The following NLK variants were observed in gnomAD, a reference collection of about 807,000 sequenced individuals.
NLK encodes the protein serine/threonine-protein kinase NLK.
Under a neutral mutation model 59.0 loss-of-function variants are expected in NLK, and 11 were observed. That is an observed-to-expected ratio of 0.19 (90% CI 0.12 to 0.31). NLK has a LOEUF of 0.31. Ranked by LOEUF, NLK falls within the 10% of genes least tolerant of loss-of-function variation. The pLI, the probability that NLK is intolerant of heterozygous loss-of-function variation, is 1.00. For missense variants in NLK, 410 were observed against 661.1 expected (o/e 0.62, Z 4.16); for synonymous variants, 235 against 235.9 (o/e 1.00, Z 0.03).
chr17:28,055,217 C>T (rs1025572970), intron 1 of NLK, among the ~76,000 whole-genome samples: 18 of 151,592 alleles, frequency 1.2e-4, no homozygotes, highest in African/African-American at 4.1e-4. Context: ...CTCATCTTCC[C>T]GAGTAGCTGG....
chr17:28,129,097 AAC>A (rs1906409137), intron 2 of NLK, among the ~76,000 whole-genome samples: 1 of 152,224 alleles, frequency 6.6e-6, no homozygotes, highest in Non-Finnish European at 1.5e-5. Context: ...AAAGTTCAAG[AAC>A]ACACAAAATG....
At chr17:28,168,722 C>G in intron 6 of NLK, 65 bp downstream of exon 6, 1 of 1,275,388 alleles carries the variant, frequency 7.8e-7, no homozygotes, top group Non-Finnish European at 1.1e-6. Flanking sequence ...ATCCATCTTG[C>G]ACATGTGTCT....
rs140225927 is a variant in NLK, at chr17:28,100,332, T to A, written c.459-22271T>A. On this transcript the variant is annotated intron_variant, in intron 1 of 10. Coordinates refer to ENST00000407008, the MANE Select transcript of NLK (RefSeq NM_016231.5). Reference sequence around the variant, plus strand: ...TTTTCTCCAAATCCTCATGACCACTTATTATTTTCAGACTTTTTTAAAACC... The same window carrying A: ...TTTTCTCCAAATCCTCATGACCACTAATTATTTTCAGACTTTTTTAAAACC... Among the ~76,000 whole-genome samples, 183 of 152,302 alleles carry A rather than the reference T, an allele frequency of 1.2e-3. 1 individual carries two copies. Among genetic ancestry groups the A allele is most frequent in the Admixed American group, 5.4e-3 (82 of 15,302 alleles).
At position 28,194,656 on chromosome 17, in the gene NLK, A is replaced by G; in HGVS notation, c.*20A>G. ...GAGTGATGGTGGAAGATAATGTACT[A>G]CTGAAGATGTAATGTAGCTTTCCAC... On this transcript the variant is annotated 3_prime_UTR_variant, in exon 11 of 11. Coordinates refer to ENST00000407008, the MANE Select transcript of NLK (RefSeq NM_016231.5). The G allele has an allele frequency of 1.9e-6, 3 of 1,556,992 alleles. No homozygotes were observed. The highest frequency in any genetic ancestry group is 2.6e-6 in the Non-Finnish European group (3 of 1,135,072).
chr17:28,064,698 TAAAC>T (rs1321116125), intron 1 of NLK, among the ~76,000 whole-genome samples: 2 of 152,304 alleles, frequency 1.3e-5, no homozygotes, highest in Admixed American at 6.5e-5. Context: ...GGGCCTGGCT[TAAAC>T]AAATCATTTT....
intron 3 of NLK, among the ~76,000 whole-genome samples, chr17:28,141,346 A>G (rs781626022): frequency 6.6e-6 from 1 of 152,198 alleles, no homozygotes; most frequent in Non-Finnish European, 1.5e-5. Context: ...TTTGTCTTTT[A>G]GAATCTCCAA....
chr17:28,192,103 G>C lies in NLK; in HGVS notation c.1436-17G>C, dbSNP rs1909324085. On this transcript the variant is annotated splice_polypyrimidine_tract_variant and intron_variant, in intron 9 of 10. Transcript: ENST00000407008. ...TGCAAATTGTCATGGATTGTATGAT[G>C]TTTGTTTTCTCCACAGAAATTATTC... 10 of 1,517,988 alleles carry C rather than the reference G, an allele frequency of 6.6e-6. No individual in the cohort carries two copies. The highest frequency in any genetic ancestry group is 9.1e-6 in the Non-Finnish European group (10 of 1,100,030). The allele number at this position is 1,517,988 out of a possible 1,614,324, so 94.0% of individuals were successfully genotyped here.
At chr17:28,152,260 T>C (rs1907511393) in intron 3 of NLK, among the ~76,000 whole-genome samples, 1 of 152,240 alleles carries the variant, frequency 6.6e-6, no homozygotes, top group Non-Finnish European at 1.5e-5. Context: ...ATGTAGTCAC[T>C]GTTAGAATAA....
chr17:28,194,566 C>T lies in NLK; in HGVS notation c.1530-16C>T, dbSNP rs777389448. On this transcript the variant is annotated splice_polypyrimidine_tract_variant and intron_variant, in intron 10 of 10. Transcript: ENST00000407008. ...GTGACATTACAACTAATTTCTCCAT[C>T]TCTGTTTTCTTCCAGTTCCACTGTT... 6.4e-7 allele frequency: 1 copy of T among 1,573,352 alleles called. No homozygotes were observed. Among genetic ancestry groups the T allele is most frequent in the Admixed American group, 1.7e-5 (1 of 59,370 alleles).
At chr17:28,205,258 C>CA in the NLK span, among the ~76,000 whole-genome samples, 1 of 152,200 alleles carries the variant, frequency 6.6e-6, no homozygotes, top group Non-Finnish European at 1.5e-5. Flanking sequence ...ACAGTGTAGG[C>CA]ACTTGAGAAA....
chr17:28,173,530 G>T (rs1252824794), intron 7 of NLK, among the ~76,000 whole-genome samples: 1 of 152,146 alleles, frequency 6.6e-6, no homozygotes, highest in Non-Finnish European at 1.5e-5. Flanking sequence ...GTTGTCACAG[G>T]CATAAAGGGC....
intron 1 of NLK, among the ~76,000 whole-genome samples, chr17:28,057,111 C>T (rs35370641): frequency 6.5e-4 from 99 of 151,992 alleles, no homozygotes; most frequent in Non-Finnish European, 1.1e-3. Context: ...TGCACCACCA[C>T]GCCCGGCTAA....
intron 3 of NLK, among the ~76,000 whole-genome samples, chr17:28,157,912 A>G (rs1907846355): frequency 6.6e-6 from 1 of 152,204 alleles, no homozygotes; most frequent in Non-Finnish European, 1.5e-5. Context: ...TCATTCATCA[A>G]ATATTTATAG....
At chr17:28,067,812 C>T (rs564339073) in intron 1 of NLK, among the ~76,000 whole-genome samples, 42 of 150,472 alleles carry the variant, frequency 2.8e-4, no homozygotes, top group Non-Finnish European at 5.6e-4. Context: ...GTATTGTGAT[C>T]CAAACTGTAG....
At chr17:28,105,375 C>T (rs1468641680) in intron 1 of NLK, among the ~76,000 whole-genome samples, 5 of 152,084 alleles carry the variant, frequency 3.3e-5, no homozygotes, top group African/African-American at 1.2e-4. Context: ...CCTGAGATTT[C>T]ATAGTTTGTG....
chr17:28,059,528 A>C (rs1313724028), intron 1 of NLK, among the ~76,000 whole-genome samples: 1 of 152,212 alleles, frequency 6.6e-6, no homozygotes, highest in Non-Finnish European at 1.5e-5. Flanking sequence ...AACTGTGTCC[A>C]AAGTCTTATC....
intron 1 of NLK, among the ~76,000 whole-genome samples, chr17:28,078,332 A>G (rs1463413169): frequency 6.6e-6 from 1 of 152,120 alleles, no homozygotes; most frequent in African/African-American, 2.4e-5. Context: ...GATAAATTAG[A>G]TCTTTTACCA....
intron 3 of NLK, among the ~76,000 whole-genome samples, chr17:28,156,033 GA>G (rs1259917042): frequency 6.6e-6 from 1 of 151,856 alleles, no homozygotes; most frequent in African/African-American, 2.4e-5. Flanking sequence ...TAGAATTCTG[GA>G]TATTTTTAAT....
rs763446820 is a variant in NLK at position 28,122,654 on chromosome 17, C to G, written c.510C>G (p.Pro170=). The part of the protein sequence containing the change: ...DGKRVALKKM[P]NVFQNLVSCK... The stretch of plus-strand genomic sequence containing the variant: ...AGAGAGTAGCGCTCAAAAAGATGCC[C>G]AACGTCTTCCAGAATCTGGTCTCTT... Residue 170 remains proline (P), a synonymous_variant, in exon 2 of 11, where the codon CCC becomes CCG. Coordinates refer to ENST00000407008, the MANE Select transcript of NLK (RefSeq NM_016231.5). 6.2e-7 allele frequency: 1 copy of G among 1,613,662 alleles called. No homozygotes were observed. The highest frequency in any genetic ancestry group is 1.1e-5 in the South Asian group (1 of 91,062).
Sources: allele counts gnomAD v4.1 joint callset (sites outside exome capture counted in the v4.1 genomes callset), GRCh38; gene constraint gnomAD v4.1.1; transcripts MANE v1.5; gene names NCBI Gene and HGNC (gene_info 2026-07-23, HGNC 2026-07-21).